Variants in CSMD1 observed in about 807,000 individuals in gnomAD.
CSMD1 encodes CUB and Sushi multiple domains 1.
CSMD1 carries 213 observed loss-of-function variants against 417.5 expected under a neutral mutation model. The observed-to-expected ratio is 0.51, with a 90% CI of 0.46 to 0.57. The LOEUF (loss-of-function observed/expected upper bound fraction) is 0.57. Among genes scored for constraint, CSMD1 ranks in the 20% least tolerant of loss-of-function variants. The pLI is 0.00. For missense variants in CSMD1, 6,923 were observed against 4,529.7 expected (o/e 1.53, Z -15.17); for synonymous variants, 2,862 against 1,736.8 (o/e 1.65, Z -16.11).
chr8:3,840,225 G>A (rs1423975621), intron 5 of CSMD1, among the ~76,000 whole-genome samples: 1 of 150,294 alleles, frequency 6.7e-6, no homozygotes, highest in Non-Finnish European at 1.5e-5. Context: ...TTGAACCTTT[G>A]AAAAAAAAAG....
intron 3 of CSMD1, among the ~76,000 whole-genome samples, chr8:4,064,885 T>C (rs1427765667): frequency 6.6e-6 from 1 of 152,058 alleles, no homozygotes; most frequent in African/African-American, 2.4e-5. Flanking sequence ...CTACATGGGT[T>C]TCCTCACAAA....
At chr8:3,561,448 A>G (rs367671221) in intron 10 of CSMD1, among the ~76,000 whole-genome samples, 3 of 144,148 alleles carry the variant, frequency 2.1e-5, no homozygotes, top group Non-Finnish European at 4.6e-5. Flanking sequence ...ATACCACACA[A>G]TCATAAAATG....
At chr8:4,554,309 A>T (rs1654349866) in intron 2 of CSMD1, among the ~76,000 whole-genome samples, 1 of 151,920 alleles carries the variant, frequency 6.6e-6, no homozygotes, top group Admixed American at 6.6e-5. Context: ...GCTAATTTTC[A>T]TATTTTCAGT....
chr8:4,503,985 G>GA (rs1174402375), intron 2 of CSMD1, among the ~76,000 whole-genome samples: 63 of 140,590 alleles, frequency 4.5e-4, no homozygotes, highest in Non-Finnish European at 5.5e-4. Flanking sequence ...AAAAAAAAAA[G>GA]AAAAAAAAAG....
chr8:4,788,880 G>C (rs1159393365), intron 1 of CSMD1, among the ~76,000 whole-genome samples: 5 of 152,322 alleles, frequency 3.3e-5, no homozygotes, highest in African/African-American at 1.2e-4. Context: ...CTCCAGGGCA[G>C]GCACATGCCC....
intron 3 of CSMD1, among the ~76,000 whole-genome samples, chr8:4,278,786 G>C (rs1052182143): frequency 2.6e-5 from 4 of 152,250 alleles, no homozygotes; most frequent in South Asian, 4.1e-4. Context: ...TGATTATGTG[G>C]AATGCTTTCA....
chr8:4,601,667 C>A (rs1476701478), intron 2 of CSMD1, among the ~76,000 whole-genome samples: 2 of 152,152 alleles, frequency 1.3e-5, no homozygotes, highest in East Asian at 3.9e-4. Context: ...AATTATTTCT[C>A]CATACCCCTC....
intron 3 of CSMD1, among the ~76,000 whole-genome samples, chr8:4,284,189 G>A (rs1158221810): frequency 6.6e-6 from 1 of 152,050 alleles, no homozygotes; most frequent in Non-Finnish European, 1.5e-5. Flanking sequence ...CCAACATGGT[G>A]AAACCCTATC....
At chr8:3,405,324 A>G (rs1225075104) in intron 15 of CSMD1, among the ~76,000 whole-genome samples, 2 of 152,226 alleles carry the variant, frequency 1.3e-5, no homozygotes, top group African/African-American at 4.8e-5. Flanking sequence ...CATTTTTAAA[A>G]TGAGTAATTA....
intron 5 of CSMD1, among the ~76,000 whole-genome samples, chr8:3,857,037 G>A (rs571388399): frequency 6.6e-6 from 1 of 151,910 alleles, no homozygotes; most frequent in Non-Finnish European, 1.5e-5. Flanking sequence ...AATATATATC[G>A]AGGGCTTCTT....
chr8:4,386,093 T>C (rs991583160), intron 3 of CSMD1, among the ~76,000 whole-genome samples: 1 of 152,206 alleles, frequency 6.6e-6, no homozygotes, highest in African/African-American at 2.4e-5. Context: ...CTTCTCTCGC[T>C]GTACCCAGAA....
intron 7 of CSMD1, among the ~76,000 whole-genome samples, chr8:3,698,240 G>A (rs1225034669): frequency 1.3e-5 from 2 of 152,164 alleles, no homozygotes; most frequent in African/African-American, 2.4e-5. Context: ...TGTTTAGAAA[G>A]TGGAAGCATA....
intron 1 of CSMD1, among the ~76,000 whole-genome samples, chr8:4,836,755 T>C (rs1009796748): frequency 5.3e-5 from 8 of 152,012 alleles, no homozygotes; most frequent in African/African-American, 1.7e-4. Context: ...TCAAAGTACA[T>C]GTCTCCACAG....
intron 3 of CSMD1, among the ~76,000 whole-genome samples, chr8:4,139,509 G>A (rs1305414496): frequency 2.7e-5 from 4 of 145,998 alleles, no homozygotes; most frequent in Non-Finnish European, 5.9e-5. Flanking sequence ...TCTGCATTCA[G>A]TGTTGTGGAT....
At chr8:4,023,720 G>A (rs1796907021) in intron 4 of CSMD1, among the ~76,000 whole-genome samples, 2 of 147,912 alleles carry the variant, frequency 1.4e-5, no homozygotes, top group South Asian at 4.3e-4. Context: ...CCGAGTAGCT[G>A]GGACTACAAG....
intron 34 of CSMD1, 78 bp downstream of exon 34, chr8:3,189,834 C>T: frequency 7.5e-7 from 1 of 1,331,968 alleles, no homozygotes. Context: ...TTTACGTAGC[C>T]TGGATAGAAA....
chr8:3,256,328 G>C (rs868571187), intron 26 of CSMD1, among the ~76,000 whole-genome samples: 74 of 125,202 alleles, frequency 5.9e-4, no homozygotes, highest in African/African-American at 1.3e-3. Context: ...AAAAAAAAGA[G>C]AAGAAAGGAA....
At chr8:4,255,051 C>G (rs900485144) in intron 3 of CSMD1, among the ~76,000 whole-genome samples, 2 of 152,270 alleles carry the variant, frequency 1.3e-5, no homozygotes, top group South Asian at 4.1e-4. Context: ...GTTGATCAAG[C>G]AATTCTCAGC....
At chr8:3,303,561 C>A (rs1204130829) in intron 25 of CSMD1, among the ~76,000 whole-genome samples, 1 of 152,182 alleles carries the variant, frequency 6.6e-6, no homozygotes, top group Non-Finnish European at 1.5e-5. Context: ...ATGCAATTTT[C>A]TGCTAACAAT....
Sources: gnomAD v4.1 joint callset for allele counts (sites outside exome capture counted in the v4.1 genomes callset) on GRCh38, gnomAD v4.1.1 for gene constraint, MANE v1.5 for transcripts, NCBI Gene and HGNC (gene_info 2026-07-23, HGNC 2026-07-21) for gene names.